The following AP2A2 variants were observed in gnomAD, a reference collection of about 807,000 sequenced individuals.
AP2A2 encodes AP-2 complex subunit alpha-2.
In AP2A2, 32 loss-of-function variants were observed where a neutral mutation model predicts 104.2. The observed-to-expected ratio is 0.31, with a 90% CI of 0.23 to 0.41. The LOEUF is 0.41. AP2A2 is among the 10% of genes least tolerant of loss of function. The pLI is 1.00. For synonymous variants in AP2A2, 539 were observed against 533.3 expected, an observed-to-expected ratio of 1.01 and a Z score of -0.15; for missense variants, 912 against 1,261.0, an observed-to-expected ratio of 0.72 and a Z score of 4.19.
chr11:942,178 C>G (rs1268375257), intron 1 of AP2A2: 1 of 152,222 alleles, frequency 6.6e-6, no homozygotes, highest in Non-Finnish European at 1.5e-5. Flanking sequence ...CTGCCCGCCT[C>G]GGCTTCCCAA....
rs916288212 is a variant in AP2A2 at position 958,806 on chromosome 11, G to C, written c.68-631G>C. Among the ~76,000 whole-genome samples, 3 of 152,224 alleles carry C rather than the reference G, an allele frequency of 2.0e-5. No individual in the cohort carries two copies. The South Asian group carries it at 6.2e-4, about 32-fold the overall frequency. ...TCAGATACTATGACATTGGGGTTAGGGCTTCAGCATGCGAATTTTGAGGGG... is the reference window on the plus strand; with the variant it reads ...TCAGATACTATGACATTGGGGTTAGCGCTTCAGCATGCGAATTTTGAGGGG... On this transcript the variant is annotated intron_variant, in intron 1 of 21. Transcript: ENST00000448903.
intron 14 of AP2A2, among the ~76,000 whole-genome samples, chr11:998,112 C>T (rs544234436): frequency 5.3e-5 from 8 of 152,332 alleles, no homozygotes; most frequent in Admixed American, 3.9e-4. Context: ...CTGTCCCCGG[C>T]GTAGGGAGCA....
rs749137347 is a variant in AP2A2, at chr11:992,653, G to A, written c.1420G>A (p.Val474Met). Reference protein sequence around the residue: ...VIQIVINRDDVQGYAAKTVFE... With the variant: ...VIQIVINRDDMQGYAAKTVFE... ...TCAGATCGTCATCAACCGGGACGAC[G>A]TGCAGGGCTACGCGGCCAAGACTGT... The change falls in exon 11 of 22, where the codon GTG (valine) becomes ATG (methionine). Residue 474 changes from valine (V) to methionine (M), a missense_variant. Physicochemically the swap from Val to Met is conservative, Grantham distance 21 (BLOSUM62 1). Transcript: ENST00000448903. The surrounding 1 kb of genome is among the most constrained non-coding windows in gnomAD (Gnocchi z 6.4). The A allele has an allele frequency of 7.4e-6, 12 of 1,613,962 alleles. No individual in the cohort carries two copies. Among genetic ancestry groups the A allele is most frequent in the Middle Eastern group, 1.7e-4 (1 of 6,060 alleles).
At chr11:1,006,361 C>T (rs906886388) in intron 16 of AP2A2, among the ~76,000 whole-genome samples, 167 bp from the exon 17 acceptor site, 2 of 152,196 alleles carry the variant, frequency 1.3e-5, no homozygotes, top group African/African-American at 4.8e-5. Context: ...CTGGTGTGCT[C>T]GTTCTAAAAC....
At chr11:974,849 G>T (rs555153330) in intron 4 of AP2A2, among the ~76,000 whole-genome samples, 10 of 152,066 alleles carry the variant, frequency 6.6e-5, no homozygotes, top group African/African-American at 2.4e-4. Flanking sequence ...GCTGGGCATG[G>T]TGGCGCCCTC....
At chr11:962,177 G>T (rs1343802138) in intron 2 of AP2A2, among the ~76,000 whole-genome samples, 1 of 152,262 alleles carries the variant, frequency 6.6e-6, no homozygotes, top group East Asian at 1.9e-4. Flanking sequence ...GACAAAGCCA[G>T]CCTTACTCTT....
At position 993,073 on chromosome 11, in the gene AP2A2, C is replaced by T. The variant is rs1389476980; in HGVS notation, c.1453-211C>T. Among the ~76,000 whole-genome samples the T allele has an allele frequency of 6.6e-6, 1 of 152,208 alleles. No individual in the cohort carries two copies. The highest frequency in any genetic ancestry group is 6.5e-5 in the Admixed American group (1 of 15,286). On this transcript the variant is annotated intron_variant, in intron 11 of 21. Coordinates refer to ENST00000448903, the MANE Select transcript of AP2A2 (RefSeq NM_012305.4). The surrounding 1 kb of genome is among the most constrained non-coding windows in gnomAD (Gnocchi z 8.2). ...CTGTTGTGGATGCTGCAGCTCCCTC[C>T]AGGGCAGGTCAGCGTGTGGCAGCCT...
intron 6 of AP2A2, among the ~76,000 whole-genome samples, chr11:983,665 G>T (rs1265658930): frequency 1.3e-5 from 2 of 152,198 alleles, no homozygotes; most frequent in East Asian, 1.9e-4. Context: ...TTACAGGCGG[G>T]AGCCACCGCA....
chr11:982,145 G>T (rs901824137), intron 6 of AP2A2, among the ~76,000 whole-genome samples: 5 of 152,212 alleles, frequency 3.3e-5, no homozygotes, highest in African/African-American at 2.4e-5. Flanking sequence ...CTGTCTCCTG[G>T]ATTCAAGGGA....
At chr11:955,456 G>C (rs954151622) in intron 1 of AP2A2, among the ~76,000 whole-genome samples, 1 of 152,236 alleles carries the variant, frequency 6.6e-6, no homozygotes. Context: ...ACAGAGAGGA[G>C]TGGGGATGCT....
At chr11:991,857 G>A (rs1355262681) in intron 10 of AP2A2, among the ~76,000 whole-genome samples, 3 of 152,138 alleles carry the variant, frequency 2.0e-5, no homozygotes, top group Non-Finnish European at 2.9e-5. Flanking sequence ...GGCAGCTGGC[G>A]CTGTTCGAAG....
intron 2 of AP2A2, among the ~76,000 whole-genome samples, chr11:959,824 G>A (rs1854368614): frequency 1.3e-5 from 2 of 152,056 alleles, no homozygotes; most frequent in Non-Finnish European, 2.9e-5. Flanking sequence ...AGTGCTCTGT[G>A]TAAGGCGCCA....
chr11:935,941 T>G (rs1202884978), intron 1 of AP2A2, among the ~76,000 whole-genome samples: 1 of 147,552 alleles, frequency 6.8e-6, no homozygotes, highest in Non-Finnish European at 1.5e-5. Flanking sequence ...TTGCTCTGTC[T>G]CCCAGGTTGG....
chr11:989,272 G>C (rs1037415927), intron 10 of AP2A2, among the ~76,000 whole-genome samples: 2 of 152,114 alleles, frequency 1.3e-5, no homozygotes, highest in Admixed American at 1.3e-4. Context: ...GGCGGAGGTT[G>C]TGGTGAGCCG....
At chr11:954,840 C>G (rs1018291154) in intron 1 of AP2A2, among the ~76,000 whole-genome samples, 1 of 152,118 alleles carries the variant, frequency 6.6e-6, no homozygotes, top group Non-Finnish European at 1.5e-5. Flanking sequence ...GGGGGGTTAA[C>G]TGCCTGTTTC....
intron 14 of AP2A2, among the ~76,000 whole-genome samples, chr11:998,595 T>C (rs1049491883): frequency 2.6e-5 from 4 of 152,042 alleles, no homozygotes; most frequent in African/African-American, 9.7e-5. Flanking sequence ...CAAGTTAGGG[T>C]GTCTTGTGTC....
In AP2A2 at chr11:984,746, AC is replaced by A; in HGVS notation, c.812del (p.Pro271GlnfsTer9). 1.2e-6 allele frequency: 2 copies of A among 1,609,330 alleles called. No individual in the cohort carries two copies. ...KLLRLLQCYP[P>X]PDPAVRGRLT... ...TGCTGAGACTGCTGCAGTGCTACCC[AC>A]CCCCAGGTAACGCGCAGGCCGCGGC... On this transcript the variant is annotated frameshift_variant, in exon 7 of 22. Coordinates refer to ENST00000448903, the MANE Select transcript of AP2A2 (RefSeq NM_012305.4). LOFTEE classifies it high-confidence loss of function.
intron 10 of AP2A2, among the ~76,000 whole-genome samples, chr11:991,829 C>T (rs1564814220): frequency 6.6e-6 from 1 of 152,060 alleles, no homozygotes; most frequent in Non-Finnish European, 1.5e-5. Context: ...GGTCTTGATG[C>T]CTGCTGGCGT....
At chr11:996,156 G>A (rs1471940482) in intron 14 of AP2A2, 1 of 152,290 alleles carries the variant, frequency 6.6e-6, no homozygotes, top group Admixed American at 6.5e-5. Context: ...TGCCGGAGCA[G>A]GGGCCTTCCC....
Sources: allele counts gnomAD v4.1 joint callset (sites outside exome capture counted in the v4.1 genomes callset), GRCh38; gene constraint gnomAD v4.1.1; non-coding constraint Gnocchi (gnomAD v3.1); transcripts MANE v1.5; gene names NCBI Gene and HGNC (gene_info 2026-07-23, HGNC 2026-07-21).